Variants in FBXL17 observed in about 807,000 individuals in gnomAD.
The protein encoded by FBXL17 is F-box/LRR-repeat protein 17.
Under a neutral mutation model 66.2 loss-of-function variants are expected in FBXL17, and 22 were observed. The ratio of observed to expected loss-of-function variants is 0.33; its 90% CI spans 0.24 to 0.47. The LOEUF (loss-of-function observed/expected upper bound fraction) is 0.47. FBXL17 is among the 20% of genes least tolerant of loss of function. FBXL17 has a pLI of 1.00. For synonymous variants in FBXL17, 474 were observed against 400.5 expected (o/e 1.18, Z -2.19); for missense variants, 878 against 948.2 (o/e 0.93, Z 0.97).
At chr5:108,034,399 C>T (rs972016037) in intron 6 of FBXL17, among the ~76,000 whole-genome samples, 8 of 152,122 alleles carry the variant, frequency 5.3e-5, no homozygotes, top group South Asian at 2.1e-4. Flanking sequence ...ATCCTATCAC[C>T]GAAAGAATTC....
intron 6 of FBXL17, among the ~76,000 whole-genome samples, chr5:108,041,884 A>G (rs908514324): frequency 6.6e-6 from 1 of 152,064 alleles, no homozygotes; most frequent in Non-Finnish European, 1.5e-5. Flanking sequence ...TCATACTCAT[A>G]TTCATCTATC....
At chr5:108,043,118 G>T (rs1455013987) in intron 6 of FBXL17, among the ~76,000 whole-genome samples, 1 of 152,054 alleles carries the variant, frequency 6.6e-6, no homozygotes, top group Non-Finnish European at 1.5e-5. Flanking sequence ...TATGCGATAC[G>T]TTAGTCATTT....
chr5:108,297,853 G>C, intron 4 of FBXL17: 1 of 877,650 alleles, frequency 1.1e-6, no homozygotes, highest in Middle Eastern at 5.8e-4. Flanking sequence ...TATTCCTTTG[G>C]TAGAAATACA....
intron 7 of FBXL17, among the ~76,000 whole-genome samples, chr5:107,917,683 C>T (rs562366423): frequency 1.3e-5 from 2 of 152,292 alleles, no homozygotes; most frequent in African/African-American, 4.8e-5. Context: ...AACCAATGTT[C>T]AGTGAAGATT....
chr5:108,370,176 A>G (rs1748931592), intron 1 of FBXL17, among the ~76,000 whole-genome samples: 1 of 152,208 alleles, frequency 6.6e-6, no homozygotes, highest in South Asian at 2.1e-4. Flanking sequence ...CTACATAGAC[A>G]GTGGGCCCAG....
intron 4 of FBXL17, among the ~76,000 whole-genome samples, chr5:108,311,934 A>T (rs1759139968): frequency 2.0e-5 from 3 of 152,134 alleles, no homozygotes; most frequent in African/African-American, 7.2e-5. Flanking sequence ...TAGCTTTCAA[A>T]CTATTATAGA....
rs575966131 is a variant in FBXL17 at position 108,255,806 on chromosome 5, G to C, written c.1507-31578C>G. 8.5e-5 allele frequency among the ~76,000 whole-genome samples: 13 copies of C among 152,276 alleles called. No homozygotes were observed. In the South Asian group the frequency reaches 1.0e-3, roughly 12 times the overall value. ...TTGAGGAAATTAGGGGAGGAAATTA[G>C]AGGAAAATTAGAACTAAAAATATAA... On this transcript the variant is annotated intron_variant, in intron 4 of 8. Transcript: ENST00000542267.
At chr5:108,299,457 GA>G in intron 4 of FBXL17, 1 of 939,436 alleles carries the variant, frequency 1.1e-6, no homozygotes. Context: ...TATAGATATA[GA>G]AAAGTACTTA....
intron 4 of FBXL17, among the ~76,000 whole-genome samples, chr5:108,319,013 G>A (rs781611552): frequency 1.1e-4 from 17 of 151,850 alleles, no homozygotes; most frequent in East Asian, 3.9e-4. Context: ...CACACATGGA[G>A]CATTCTGCTT....
intron 6 of FBXL17, among the ~76,000 whole-genome samples, chr5:108,024,095 G>C (rs1754703838): frequency 6.6e-6 from 1 of 152,062 alleles, no homozygotes; most frequent in African/African-American, 2.4e-5. Context: ...TATAGGCAAA[G>C]CTCAGAATAT....
intron 6 of FBXL17, among the ~76,000 whole-genome samples, chr5:108,120,589 G>A (rs1182405797): frequency 6.6e-6 from 1 of 152,180 alleles, no homozygotes; most frequent in Non-Finnish European, 1.5e-5. Context: ...TCAGCGCTTT[G>A]GGAGGTGGAG....
Position 108,381,729 on chromosome 5 carries a change from A to T in FBXL17, c.-38T>A. On this transcript the variant is annotated 5_prime_UTR_variant, in exon 1 of 9. Transcript: ENST00000542267. The stretch of plus-strand genomic sequence containing the variant: ...GAGGAGGGGGACCGGGACGGGAGGG[A>T]GGGAGACCCAGAGAGGCGGGCTCCC... 1 of 1,398,938 alleles carries T rather than the reference A, an allele frequency of 7.1e-7. No homozygotes were observed. Among genetic ancestry groups the T allele is most frequent in the Non-Finnish European group, 9.2e-7 (1 of 1,083,614 alleles). The allele number at this position is 1,398,938 out of a possible 1,614,324, so 86.7% of individuals were successfully genotyped here.
chr5:108,200,253 C>T (rs574286065), intron 5 of FBXL17, among the ~76,000 whole-genome samples: 6 of 151,962 alleles, frequency 3.9e-5, no homozygotes, highest in Admixed American at 2.6e-4. Context: ...ATGCAGCCTG[C>T]AAAGTTAAGC....
intron 4 of FBXL17, among the ~76,000 whole-genome samples, chr5:108,281,904 AC>A (rs1471989948): frequency 1.3e-5 from 2 of 151,894 alleles, no homozygotes; most frequent in African/African-American, 2.4e-5. Context: ...AAACTAGAAA[AC>A]CCAGAGGAAA....
At chr5:108,114,549 T>C (rs759911471) in intron 6 of FBXL17, among the ~76,000 whole-genome samples, 40 of 152,220 alleles carry the variant, frequency 2.6e-4, no homozygotes, top group Non-Finnish European at 5.3e-4. Flanking sequence ...TGTGATGGTG[T>C]AGGATACTAA....
intron 4 of FBXL17, among the ~76,000 whole-genome samples, chr5:108,241,646 G>A (rs555246260): frequency 3.3e-5 from 5 of 151,888 alleles, no homozygotes; most frequent in African/African-American, 1.2e-4. Context: ...AAAGATTATA[G>A]AACACCAAGC....
At position 108,381,822 on chromosome 5, in the gene FBXL17, A is replaced by G. The variant is rs1034111658; in HGVS notation, c.-131T>C. ...TCGCCCTTCCTGCGCACACACACGCACACACGGGCACACACGCGACGGTGG... is the reference window on the plus strand; with the variant it reads ...TCGCCCTTCCTGCGCACACACACGCGCACACGGGCACACACGCGACGGTGG... On this transcript the variant is annotated 5_prime_UTR_variant, in exon 1 of 9. Transcript: ENST00000542267. 1.5e-6 allele frequency: 2 copies of G among 1,304,976 alleles called. No individual in the cohort carries two copies. Among genetic ancestry groups the G allele is most frequent in the Non-Finnish European group, 1.9e-6 (2 of 1,027,666 alleles). The allele number at this position is 1,304,976 out of a possible 1,614,324, so 80.8% of individuals were successfully genotyped here.
At chr5:108,305,150 C>T (rs1048830669) in intron 4 of FBXL17, among the ~76,000 whole-genome samples, 5 of 151,904 alleles carry the variant, frequency 3.3e-5, no homozygotes, top group Admixed American at 2.6e-4. Flanking sequence ...GTGTATATGG[C>T]GTGTTCAGAA....
chr5:108,098,637 C>T (rs563304087), intron 6 of FBXL17, among the ~76,000 whole-genome samples: 3 of 150,270 alleles, frequency 2.0e-5, no homozygotes, highest in South Asian at 4.3e-4. Context: ...CCCAGCTACT[C>T]GGGAGGCTGA....
Sources: allele counts gnomAD v4.1 joint callset (sites outside exome capture counted in the v4.1 genomes callset), GRCh38; gene constraint gnomAD v4.1.1; transcripts MANE v1.5; gene names NCBI Gene and HGNC (gene_info 2026-07-23, HGNC 2026-07-21).